Variants in ANKMY1 observed in about 807,000 individuals in gnomAD.
ANKMY1 encodes ankyrin repeat and MYND domain containing 1, also known as ankyrin repeat and MYND domain-containing protein 1.
Under a neutral mutation model 102.0 loss-of-function variants are expected in ANKMY1, and 98 were observed. The ratio of observed to expected loss-of-function variants is 0.96; its 90% CI spans 0.82 to 1.14. The LOEUF (loss-of-function observed/expected upper bound fraction) is 1.14. Among genes scored for constraint, ANKMY1 ranks in the 50% most tolerant of loss-of-function variants. The probability of loss-of-function intolerance (pLI) is 0.00; values close to 1 mark genes in which losing one functional copy is unlikely to be tolerated. For synonymous variants in ANKMY1, 582 were observed against 559.9 expected (o/e 1.04, Z -0.56); for missense variants, 1,330 against 1,347.6 (o/e 0.99, Z 0.20).
rs1178508115 is a variant in ANKMY1, at chr2:240,537,234, CCTTT to C, written c.481-7729_481-7726del. Among the ~76,000 whole-genome samples, 743 of 152,204 alleles carry C rather than the reference CCTTT, an allele frequency of 4.9e-3. 11 individuals are homozygous for C. The highest frequency in any genetic ancestry group is 0.017 in the African/African-American group (694 of 41,548). On this transcript the variant is annotated intron_variant, in intron 4 of 17. Transcript: ENST00000401804. Reference sequence around the variant, plus strand: ...AATTGTTTCAAGGCCTTTTGTTTTTCCTTTCTTTACCTATAGTTTCCAGATTTGC... The same window carrying C: ...AATTGTTTCAAGGCCTTTTGTTTTTCCTTTACCTATAGTTTCCAGATTTGC...
chr2:240,511,161 A>G (rs2080106658), intron 11 of ANKMY1, among the ~76,000 whole-genome samples: 1 of 151,448 alleles, frequency 6.6e-6, no homozygotes, highest in Non-Finnish European at 1.5e-5. Flanking sequence ...TCCCAGTGTC[A>G]CCCGCATGCC....
intron 4 of ANKMY1, among the ~76,000 whole-genome samples, chr2:240,538,486 A>G (rs72998076): frequency 0.32 from 48,783 of 151,902 alleles, 8,330 homozygotes; most frequent in Middle Eastern, 0.6. Flanking sequence ...CGCTGCACTC[A>G]AATTCTCGTG....
the ANKMY1 span, among the ~76,000 whole-genome samples, chr2:240,468,853 A>G: frequency 6.6e-6 from 1 of 152,124 alleles, no homozygotes. Context: ...TCCACTGCTT[A>G]GTAGGTCCCA....
At chr2:240,471,832 T>C in the ANKMY1 span, among the ~76,000 whole-genome samples, 27 of 152,278 alleles carry the variant, frequency 1.8e-4, no homozygotes, top group Non-Finnish European at 3.1e-4. Context: ...ATGGGGTCCT[T>C]TGCAGATCCA....
chr2:240,496,539 G>T (rs1016577648), intron 15 of ANKMY1, among the ~76,000 whole-genome samples: 2 of 152,082 alleles, frequency 1.3e-5, no homozygotes, highest in East Asian at 1.9e-4. Context: ...CTTGGGGCTG[G>T]ATATTACTAT....
intron 4 of ANKMY1, among the ~76,000 whole-genome samples, chr2:240,549,808 A>G (rs945284878): frequency 9.2e-5 from 14 of 152,332 alleles, no homozygotes; most frequent in African/African-American, 3.4e-4. Context: ...AATCAAAACC[A>G]CAATGAGATA....
chr2:240,560,408 G>A (rs1306695666), upstream of ANKMY1: 2 of 304,346 alleles, frequency 6.6e-6, no homozygotes, highest in Non-Finnish European at 1.2e-5. Flanking sequence ...GACGGCGCCC[G>A]GGGACAGAGA....
chr2:240,472,239 G>A, the ANKMY1 span, among the ~76,000 whole-genome samples: 6 of 124,304 alleles, frequency 4.8e-5, no homozygotes, highest in Non-Finnish European at 7.4e-5. Flanking sequence ...GGCCGCACGC[G>A]GGGAGGCAGG....
At chr2:240,531,276 G>A (rs980359897) in intron 4 of ANKMY1, among the ~76,000 whole-genome samples, 1 of 152,168 alleles carries the variant, frequency 6.6e-6, no homozygotes, top group Non-Finnish European at 1.5e-5. Flanking sequence ...TGGAACTTTC[G>A]TATCTTGATG....
intron 13 of ANKMY1, among the ~76,000 whole-genome samples, chr2:240,504,348 T>A (rs2078707729): frequency 6.6e-6 from 1 of 152,120 alleles, no homozygotes; most frequent in Non-Finnish European, 1.5e-5. Flanking sequence ...TACGGAAAAG[T>A]ATTCGTGAAA....
chr2:240,560,985 G>C (rs1183925431), upstream of ANKMY1: 9 of 1,545,372 alleles, frequency 5.8e-6, no homozygotes, highest in African/African-American at 1.4e-5. Context: ...CGCCTGCCTA[G>C]TCTACTGCAA....
At chr2:240,476,786 G>A (rs146279245), downstream of ANKMY1, among the ~76,000 whole-genome samples, 792 of 152,322 alleles carry the variant, frequency 5.2e-3, 2 homozygotes, top group Non-Finnish European at 9.3e-3. Context: ...CATTAAAACG[G>A]TGGTGAGAAT....
intron 2 of ANKMY1, 37 bp downstream of exon 2, chr2:240,557,153 T>A: frequency 2.1e-6 from 3 of 1,418,006 alleles, no homozygotes; most frequent in Non-Finnish European, 2.8e-6. Context: ...GGGCCCCAGG[T>A]CAGGGTCGGA....
At chr2:240,557,506 G>A in intron 1 of ANKMY1, 154 bp from the exon 2 acceptor site, 1 of 808,436 alleles carries the variant, frequency 1.2e-6, no homozygotes, top group Non-Finnish European at 1.8e-6. Context: ...ACAGGTCCCG[G>A]ACCACCATCC....
chr2:240,524,479 C>T, intron 7 of ANKMY1, 98 bp from the exon 8 acceptor site: 1 of 1,376,392 alleles, frequency 7.3e-7, no homozygotes, highest in Non-Finnish European at 9.8e-7. Flanking sequence ...TGGCCTAGAG[C>T]TGTCTTCAAA....
intron 15 of ANKMY1, among the ~76,000 whole-genome samples, chr2:240,484,819 A>G (rs1021029814): frequency 6.6e-6 from 1 of 152,258 alleles, no homozygotes; most frequent in African/African-American, 2.4e-5. Flanking sequence ...AAGGGCTAAT[A>G]TCAAGAATCT....
At chr2:240,488,383 T>C (rs1574896545) in intron 15 of ANKMY1, among the ~76,000 whole-genome samples, 1 of 152,230 alleles carries the variant, frequency 6.6e-6, no homozygotes, top group Non-Finnish European at 1.5e-5. Context: ...CTTTGTAGTA[T>C]ATTTTGAATC....
chr2:240,550,257 G>A (rs762497823), intron 4 of ANKMY1, among the ~76,000 whole-genome samples: 101 of 151,052 alleles, frequency 6.7e-4, no homozygotes, highest in African/African-American at 1.7e-3. Context: ...GTAAACTATC[G>A]CAAGAACAAA....
At chr2:240,480,391 C>T (rs897458603) in intron 17 of ANKMY1, among the ~76,000 whole-genome samples, 1 of 152,224 alleles carries the variant, frequency 6.6e-6, no homozygotes, top group Non-Finnish European at 1.5e-5. Context: ...GCCACCCTTG[C>T]GGCACCGGGC....
Sources: gnomAD v4.1 joint callset for allele counts (sites outside exome capture counted in the v4.1 genomes callset) on GRCh38, gnomAD v4.1.1 for gene constraint, MANE v1.5 for transcripts, NCBI Gene and HGNC (gene_info 2026-07-23, HGNC 2026-07-21) for gene names.